Variants in AFG2A observed in about 807,000 individuals in gnomAD.
AFG2A encodes ATPase family gene 2 protein homolog A.
chr4:123,123,153 A>G, the AFG2A span, among the ~76,000 whole-genome samples: 12,982 of 152,264 alleles, frequency 0.085, 756 homozygotes, highest in Middle Eastern at 0.2. Flanking sequence ...ACTAGAGGAT[A>G]ATATTCAGAG....
At chr4:122,934,295 T>C in the AFG2A span, 1 of 1,614,182 alleles carries the variant, frequency 6.2e-7, no homozygotes, top group South Asian at 1.1e-5. Context: ...TCCTTACAGC[T>C]AAGCCAGTTA....
the AFG2A span, among the ~76,000 whole-genome samples, chr4:122,932,099 T>C: frequency 1.3e-5 from 2 of 151,976 alleles, no homozygotes; most frequent in South Asian, 4.2e-4. Context: ...AAACACCGCC[T>C]CTACAAAAAA....
the AFG2A span, among the ~76,000 whole-genome samples, chr4:123,309,350 C>G: frequency 6.6e-6 from 1 of 152,150 alleles, no homozygotes; most frequent in African/African-American, 2.4e-5. Flanking sequence ...CATAGACATA[C>G]CTTCTAGCTG....
chr4:123,075,532 T>C, the AFG2A span, among the ~76,000 whole-genome samples: 1 of 151,994 alleles, frequency 6.6e-6, no homozygotes, highest in Non-Finnish European at 1.5e-5. Flanking sequence ...ACTCCTGACC[T>C]CAAGTGATCC....
the AFG2A span, among the ~76,000 whole-genome samples, chr4:123,305,754 A>G: frequency 6.6e-6 from 1 of 152,112 alleles, no homozygotes; most frequent in South Asian, 2.1e-4. Flanking sequence ...TTTTCACAAT[A>G]CGCCTGTTTC....
the AFG2A span, among the ~76,000 whole-genome samples, chr4:123,074,768 T>G: frequency 6.6e-6 from 1 of 152,198 alleles, no homozygotes; most frequent in Non-Finnish European, 1.5e-5. Context: ...TCTCCTCTTC[T>G]TAAGAGAAAA....
chr4:123,289,295 T>C, the AFG2A span, among the ~76,000 whole-genome samples: 2 of 152,166 alleles, frequency 1.3e-5, no homozygotes, highest in African/African-American at 4.8e-5. Flanking sequence ...CTGAGTTACA[T>C]CGCTTAGAAT....
chr4:123,127,816 A>G, the AFG2A span, among the ~76,000 whole-genome samples: 1 of 152,284 alleles, frequency 6.6e-6, no homozygotes, highest in South Asian at 2.1e-4. Context: ...ACTAAAATGT[A>G]GTTTGGAAAG....
chr4:123,313,276 C>G, the AFG2A span, among the ~76,000 whole-genome samples: 9 of 152,176 alleles, frequency 5.9e-5, no homozygotes, highest in Non-Finnish European at 1.3e-4. Context: ...AAACAGCATT[C>G]ACTTCTCTGT....
chr4:123,244,121 A>G, the AFG2A span, among the ~76,000 whole-genome samples: 25 of 152,270 alleles, frequency 1.6e-4, no homozygotes, highest in Middle Eastern at 0.017. Context: ...GTCTTGTATT[A>G]TCAGACAAGG....
chr4:123,109,052 T>G, the AFG2A span, among the ~76,000 whole-genome samples: 2 of 152,184 alleles, frequency 1.3e-5, no homozygotes, highest in Admixed American at 6.5e-5. Context: ...GATGATTGCA[T>G]TATATTACTA....
chr4:123,054,345 C>A, the AFG2A span, among the ~76,000 whole-genome samples: 1 of 151,448 alleles, frequency 6.6e-6, no homozygotes, highest in Non-Finnish European at 1.5e-5. Flanking sequence ...CCTTCTATTT[C>A]GCCATCTTGG....
At chr4:123,001,940 A>T in the AFG2A span, among the ~76,000 whole-genome samples, 1 of 152,098 alleles carries the variant, frequency 6.6e-6, no homozygotes, top group Non-Finnish European at 1.5e-5. Context: ...TGGGTGTCTA[A>T]GTCTCTTTGT....
chr4:123,275,197 A>G, the AFG2A span, among the ~76,000 whole-genome samples: 7 of 152,122 alleles, frequency 4.6e-5, no homozygotes, highest in Admixed American at 4.6e-4. Context: ...TCTTTCCTTG[A>G]GTCAATGCAT....
chr4:122,962,486 A>C, the AFG2A span, among the ~76,000 whole-genome samples: 799 of 152,292 alleles, frequency 5.2e-3, 7 homozygotes, highest in African/African-American at 0.018. Context: ...TGGGTATTTT[A>C]GTATTACTTT....
the AFG2A span, among the ~76,000 whole-genome samples, chr4:122,938,718 G>C: frequency 6.6e-6 from 1 of 152,062 alleles, no homozygotes; most frequent in Non-Finnish European, 1.5e-5. Flanking sequence ...AGCCTCCTGA[G>C]TAGCTGGGAC....
At chr4:123,011,985 C>T in the AFG2A span, among the ~76,000 whole-genome samples, 3 of 136,800 alleles carry the variant, frequency 2.2e-5, no homozygotes, top group Admixed American at 7.4e-5. Flanking sequence ...TTGCTTGCCC[C>T]CCAGGAAAGT....
the AFG2A span, chr4:122,938,086 AAT>A: frequency 8.5e-6 from 13 of 1,524,708 alleles, no homozygotes; most frequent in Non-Finnish European, 1.1e-5. Flanking sequence ...CTTAAAATCA[AAT>A]ATAGATGAGA....
At chr4:122,949,031 C>T in the AFG2A span, among the ~76,000 whole-genome samples, 1 of 152,152 alleles carries the variant, frequency 6.6e-6, no homozygotes, top group Non-Finnish European at 1.5e-5. Flanking sequence ...TTGATTAAAA[C>T]ACGTGGTTAT....
Sources: allele counts gnomAD v4.1 joint callset (sites outside exome capture counted in the v4.1 genomes callset), GRCh38; gene constraint gnomAD v4.1.1; transcripts MANE v1.5; gene names NCBI Gene and HGNC (gene_info 2026-07-23, HGNC 2026-07-21).